The following CRMP1 variants were observed in gnomAD, a reference collection of about 807,000 sequenced individuals.
CRMP1 encodes collapsin response mediator protein 1.
CRMP1 carries 19 observed loss-of-function variants against 68.3 expected under a neutral mutation model. The observed-to-expected ratio is 0.28, with a 90% confidence interval of 0.19 to 0.41. The LOEUF (loss-of-function observed/expected upper bound fraction) is 0.41. Among genes scored for constraint, CRMP1 ranks in the 10% least tolerant of loss-of-function variants. The pLI, the probability that CRMP1 is intolerant of heterozygous loss-of-function variation, is 1.00. For synonymous variants in CRMP1, 439 were observed against 399.6 expected, an observed-to-expected ratio of 1.10 and a Z score of -1.18; for missense variants, 791 against 967.4, an observed-to-expected ratio of 0.82 and a Z score of 2.42.
At chr4:5,826,917 CCT>C (rs1310514124) in intron 12 of CRMP1, 1 of 152,956 alleles carries the variant, frequency 6.5e-6, no homozygotes, top group Non-Finnish European at 1.5e-5. Flanking sequence ...ACGGCCCTCC[CCT>C]CTGTCCCTGG....
intron 13 of CRMP1, chr4:5,824,569 C>T (rs932874776): frequency 1.0e-6 from 1 of 975,396 alleles, no homozygotes; most frequent in Admixed American, 6.2e-5. Flanking sequence ...CAAACGGGTC[C>T]ATTGACCAAA....
chr4:5,873,034 G>T (rs911792168), intron 1 of CRMP1, among the ~76,000 whole-genome samples: 6 of 152,318 alleles, frequency 3.9e-5, no homozygotes, highest in Admixed American at 2.6e-4. Context: ...AGAGCTCATT[G>T]TTCATTCTCT....
Position 5,879,698 on chromosome 4 carries a change from G to C in CRMP1, c.381+12891C>G, listed in dbSNP as rs4594661. 0.39 allele frequency among the ~76,000 whole-genome samples: 59,729 copies of C among 152,106 alleles called. 14,650 individuals are homozygous for C. Among genetic ancestry groups the C allele is most frequent in the East Asian group, 0.73 (3,764 of 5,162 alleles). Reference sequence around the variant, plus strand: ...CTAACATTCTATGCCAAATGTTCATGCATTTGAGGATGCAGGAAAAAGCTT... The same window carrying C: ...CTAACATTCTATGCCAAATGTTCATCCATTTGAGGATGCAGGAAAAAGCTT... On this transcript the variant is annotated intron_variant, in intron 1 of 13. Transcript: ENST00000324989. The surrounding 1 kb of genome is among the most constrained non-coding windows in gnomAD (Gnocchi z 4.2).
chr4:5,867,375 A>C (rs1341995789), intron 1 of CRMP1, among the ~76,000 whole-genome samples: 1 of 152,188 alleles, frequency 6.6e-6, no homozygotes, highest in African/African-American at 2.4e-5. Context: ...CGTTTGTTGA[A>C]GAAATTGGGT....
intron 13 of CRMP1, chr4:5,824,450 T>C (rs1719204600): frequency 4.1e-6 from 4 of 985,358 alleles, no homozygotes; most frequent in Non-Finnish European, 4.8e-6. Flanking sequence ...GATAAGAGGT[T>C]CTGCCACCAC....
At chr4:5,885,560 T>C (rs928431463) in intron 1 of CRMP1, among the ~76,000 whole-genome samples, 1 of 152,156 alleles carries the variant, frequency 6.6e-6, no homozygotes, top group African/African-American at 2.4e-5. Context: ...AGGCCGTCTT[T>C]CCTTCAGTTT....
intron 9 of CRMP1, among the ~76,000 whole-genome samples, chr4:5,837,697 T>TAAAATAAAATAAAAA: frequency 6.7e-6 from 1 of 150,356 alleles, no homozygotes; most frequent in African/African-American, 2.5e-5. Flanking sequence ...TAAAATAAAA[T>TAAAATAAAATAAAAA]AAAAAATGAA....
chr4:5,847,988 C>A (rs1712345125), intron 6 of CRMP1, among the ~76,000 whole-genome samples: 1 of 152,120 alleles, frequency 6.6e-6, no homozygotes, highest in African/African-American at 2.4e-5. Context: ...GACCCAGGAG[C>A]CTGCCTGACT....
At chr4:5,822,386 A>G (rs893163276) in intron 13 of CRMP1, among the ~76,000 whole-genome samples, 2 of 151,280 alleles carry the variant, frequency 1.3e-5, no homozygotes, top group African/African-American at 2.4e-5. Context: ...GGTATTTTAC[A>G]TATTGTGTGT....
chr4:5,822,056 AC>A (rs372041007), intron 13 of CRMP1, among the ~76,000 whole-genome samples: 6,917 of 152,038 alleles, frequency 0.045, 176 homozygotes, highest in African/African-American at 0.076. Context: ...GGCTCCCCCC[AC>A]CTTCAGCCCT....
At position 5,865,450 on chromosome 4, in the gene CRMP1, G is replaced by A. The variant is rs151238014; in HGVS notation, c.470+1218C>T. Among the ~76,000 whole-genome samples the A allele has an allele frequency of 1.1e-4, 16 of 151,934 alleles. No individual in the cohort carries two copies. In the East Asian group the frequency reaches 2.9e-3, roughly 28 times the overall value. ...TCCTGGCCAACATGGTGAAACCCCC[G>A]TCTCTACTAAAATGCAAAAAAGTAG... On this transcript the variant is annotated intron_variant, in intron 2 of 13. Transcript: ENST00000324989. This position sits in a 1 kb window ranked among gnomAD's most constrained non-coding sequence, Gnocchi z 4.1.
intron 1 of CRMP1, among the ~76,000 whole-genome samples, chr4:5,886,352 T>C (rs950600124): frequency 2.0e-5 from 3 of 152,222 alleles, no homozygotes; most frequent in Non-Finnish European, 4.4e-5. Flanking sequence ...ACCATGCACC[T>C]AGCACACTAA....
chr4:5,828,801 TA>T, intron 11 of CRMP1, 133 bp from the exon 12 acceptor site: 1 of 1,108,232 alleles, frequency 9.0e-7, no homozygotes, highest in Non-Finnish European at 1.3e-6. Flanking sequence ...AAATACCTTT[TA>T]TTGACTGTAA....
intron 6 of CRMP1, among the ~76,000 whole-genome samples, chr4:5,847,022 G>T (rs1369217957): frequency 6.6e-6 from 1 of 152,068 alleles, no homozygotes; most frequent in Non-Finnish European, 1.5e-5. Flanking sequence ...ATGGAAGCAG[G>T]AGCTCAGAAG....
chr4:5,824,446 A>G (rs767640436), intron 13 of CRMP1: 5 of 985,362 alleles, frequency 5.1e-6, no homozygotes, highest in Non-Finnish European at 4.8e-6. Context: ...AATGGATAAG[A>G]GGTTCTGCCA....
chr4:5,821,838 A>T lies in CRMP1; in HGVS notation c.1983T>A (p.Asp661Glu). The T allele has an allele frequency of 1.9e-6, 3 of 1,588,108 alleles. No homozygotes were observed. The highest frequency in any genetic ancestry group is 2.6e-6 in the Non-Finnish European group (3 of 1,170,314). Reference sequence around the variant, plus strand: ...GGCCGGTGCGCCTGGGATTGTTGTCATCTATCTGGGCACCTGAAAGAGAGC... The same window carrying T: ...GGCCGGTGCGCCTGGGATTGTTGTCTTCTATCTGGGCACCTGAAAGAGAGC... ...SNFSLSGAQI[D>E]DNNPRRTGHR... The change falls in exon 14 of 14, where the codon GAT becomes GAA. Residue 661 changes from aspartate to glutamate, a missense_variant. Around this residue, in one of 3 missense-constraint regions of CRMP1, gnomAD observed 594 missense variants for 763.6 expected, o/e 0.78. Coordinates refer to ENST00000324989, the MANE Select transcript of CRMP1 (RefSeq NM_001014809.3). This position sits in a 1 kb window ranked among gnomAD's most constrained non-coding sequence, Gnocchi z 4.4.
intron 13 of CRMP1, chr4:5,824,768 T>A: frequency 1.0e-6 from 1 of 984,366 alleles, no homozygotes; most frequent in Non-Finnish European, 1.2e-6. Context: ...CCCAGCACGG[T>A]GTGCAACCCA....
intron 13 of CRMP1, among the ~76,000 whole-genome samples, chr4:5,823,893 C>T (rs968020525): frequency 1.3e-5 from 2 of 152,158 alleles, no homozygotes; most frequent in Non-Finnish European, 2.9e-5. Context: ...ACGTAACATA[C>T]GCAGATATTA....
chr4:5,863,338 G>A (rs1713730705), intron 2 of CRMP1, among the ~76,000 whole-genome samples: 1 of 152,110 alleles, frequency 6.6e-6, no homozygotes, highest in South Asian at 2.1e-4. Context: ...ACAACTCAGA[G>A]AGGTGTAGTG....
Sources: allele counts gnomAD v4.1 joint callset (sites outside exome capture counted in the v4.1 genomes callset), GRCh38; gene constraint gnomAD v4.1.1; regional missense constraint gnomAD v4.1.1; non-coding constraint Gnocchi (gnomAD v3.1); transcripts MANE v1.5; gene names NCBI Gene and HGNC (gene_info 2026-07-23, HGNC 2026-07-21).